Variants in AKAP13 observed in about 807,000 individuals in gnomAD.
AKAP13 encodes A-kinase anchoring protein 13.
AKAP13 carries 80 observed loss-of-function variants against 264.5 expected under a neutral mutation model. The ratio of observed to expected loss-of-function variants is 0.30; its 90% CI spans 0.25 to 0.36. The LOEUF (loss-of-function observed/expected upper bound fraction) is 0.36. Among genes scored for constraint, AKAP13 ranks in the 10% least tolerant of loss-of-function variants. The probability of loss-of-function intolerance (pLI) is 1.00; values close to 1 mark genes in which losing one functional copy is unlikely to be tolerated. For missense variants in AKAP13, 3,712 were observed against 3,435.2 expected, an observed-to-expected ratio of 1.08 and a Z score of -2.01; for synonymous variants, 1,380 against 1,250.2, an observed-to-expected ratio of 1.10 and a Z score of -2.19.
chr15:85,608,583 G>A (rs1030925251), intron 8 of AKAP13, among the ~76,000 whole-genome samples: 1 of 152,202 alleles, frequency 6.6e-6, no homozygotes, highest in Non-Finnish European at 1.5e-5. Flanking sequence ...AAAGGAGAGC[G>A]TTTTAAGGAG....
intron 1 of AKAP13, among the ~76,000 whole-genome samples, chr15:85,467,100 A>G (rs1253476607): frequency 6.8e-6 from 1 of 147,914 alleles, no homozygotes; most frequent in Non-Finnish European, 1.5e-5. Flanking sequence ...ACACACACAC[A>G]CGTATGTAAC....
At chr15:85,526,775 A>G (rs895839980) in intron 3 of AKAP13, among the ~76,000 whole-genome samples, 1 of 152,080 alleles carries the variant, frequency 6.6e-6, no homozygotes, top group South Asian at 2.1e-4. Context: ...GACTTTTTCT[A>G]ACAGTCTCCC....
chr15:85,736,912 C>CTTTTTTT (rs11407996), intron 33 of AKAP13, among the ~76,000 whole-genome samples: 10 of 98,044 alleles, frequency 1.0e-4, no homozygotes, highest in East Asian at 6.6e-4. Flanking sequence ...ATATCATCAT[C>CTTTTTTT]TTTTTTTTTT....
chr15:85,589,057 T>A (rs774651944), intron 8 of AKAP13, among the ~76,000 whole-genome samples: 4 of 152,236 alleles, frequency 2.6e-5, no homozygotes, highest in African/African-American at 9.6e-5. Flanking sequence ...AGCATTCTTA[T>A]AATGATGTGA....
At chr15:85,603,668 G>T (rs571760099) in intron 8 of AKAP13, among the ~76,000 whole-genome samples, 1 of 152,112 alleles carries the variant, frequency 6.6e-6, no homozygotes, top group Non-Finnish European at 1.5e-5. Flanking sequence ...TGCCAGCCTC[G>T]CCAGAATCCC....
intron 1 of AKAP13, among the ~76,000 whole-genome samples, chr15:85,431,054 ATAGT>A (rs1490850471): frequency 1.1e-4 from 16 of 152,234 alleles, no homozygotes; most frequent in African/African-American, 3.6e-4. Flanking sequence ...GATAAAGGTC[ATAGT>A]TAGTGCATAA....
chr15:85,520,717 A>T (rs750002276), intron 2 of AKAP13: 5 of 518,918 alleles, frequency 9.6e-6, no homozygotes, highest in African/African-American at 9.6e-5. Flanking sequence ...AATATTATAG[A>T]CCGAGAGTTG....
chr15:85,562,132 T>A (rs1296709336), intron 5 of AKAP13, among the ~76,000 whole-genome samples: 2 of 152,178 alleles, frequency 1.3e-5, no homozygotes, highest in Non-Finnish European at 2.9e-5. Context: ...GTAAATGAGA[T>A]GATGTGTACC....
chr15:85,710,483 TG>T, intron 18 of AKAP13, 95 bp from the exon 19 acceptor site: 1 of 1,214,714 alleles, frequency 8.2e-7, no homozygotes, highest in South Asian at 1.5e-5. Context: ...AAAAGCAGAG[TG>T]GGAAAGGAAG....
chr15:85,447,096 A>C (rs895240310), intron 1 of AKAP13, among the ~76,000 whole-genome samples: 2 of 152,038 alleles, frequency 1.3e-5, no homozygotes, highest in Non-Finnish European at 2.9e-5. Context: ...ATGAAACTCC[A>C]TCTCTACCAA....
intron 4 of AKAP13, among the ~76,000 whole-genome samples, chr15:85,538,470 G>C (rs1261293274): frequency 6.6e-6 from 1 of 151,500 alleles, no homozygotes; most frequent in African/African-American, 2.4e-5. Flanking sequence ...TCCTTTCAGA[G>C]TGTTTGATAG....
At position 85,467,827 on chromosome 15, in the gene AKAP13, T is replaced by C. The variant is rs75846052; in HGVS notation, c.-11-17883T>C. Among the ~76,000 whole-genome samples the C allele has an allele frequency of 6.6e-3, 1,001 of 152,340 alleles. 11 individuals carry two copies. The highest frequency in any genetic ancestry group is 0.023 in the African/African-American group (950 of 41,562). On this transcript the variant is annotated intron_variant, in intron 1 of 36. Transcript: ENST00000394518. ...TTTCGGCCTGCAATCTTTTCGGCTC[T>C]GTTATCCAACCTGTTGCCCATTAGA...
intron 1 of AKAP13, among the ~76,000 whole-genome samples, chr15:85,466,556 T>A (rs1244847551): frequency 6.6e-6 from 1 of 152,240 alleles, no homozygotes; most frequent in African/African-American, 2.4e-5. Flanking sequence ...GGATCCAGTT[T>A]CAGCTTTCTA....
rs752258098 is a variant in AKAP13 at position 85,579,492 on chromosome 15, C to G, written c.1424C>G (p.Thr475Ser). 18 of 1,614,142 alleles carry G rather than the reference C, an allele frequency of 1.1e-5. No individual in the cohort carries two copies. Among genetic ancestry groups the G allele is most frequent in the Non-Finnish European group, 1.4e-5 (16 of 1,180,016 alleles). ...LGGISTTNVS[T>S]PDTAGEMEHG... The stretch of plus-strand genomic sequence containing the variant: ...GGCATTTCAACAACAAATGTCAGTA[C>G]CCCAGACACTGCAGGGGAAATGGAA... The change falls in exon 7 of 37, where the codon ACC becomes AGC. Residue 475 changes from threonine (T) to serine (S), a missense_variant. This residue lies in a region of AKAP13 where 2,759 missense variants were observed against 2,411.7 expected (regional missense o/e 1.14). Coordinates refer to ENST00000394518, the MANE Select transcript of AKAP13 (RefSeq NM_007200.5).
At chr15:85,439,425 A>G (rs2073509833) in intron 1 of AKAP13, among the ~76,000 whole-genome samples, 1 of 152,052 alleles carries the variant, frequency 6.6e-6, no homozygotes, top group East Asian at 1.9e-4. Flanking sequence ...TTCCTCAAGG[A>G]TCTAGAACTA....
At chr15:85,583,220 T>C in intron 7 of AKAP13, 1 of 968,834 alleles carries the variant, frequency 1.0e-6, no homozygotes, top group Non-Finnish European at 1.2e-6. Context: ...TTTTCAATTT[T>C]TGAAAATCCC....
At position 85,579,295 on chromosome 15, in the gene AKAP13, A is replaced by G; in HGVS notation, c.1227A>G (p.Val409=). Residue 409 remains valine, a synonymous_variant, in exon 7 of 37, where the codon GTA becomes GTG. Coordinates refer to ENST00000394518, the MANE Select transcript of AKAP13 (RefSeq NM_007200.5). ...TTCAGAGCTTGCCTGATTGTGGAGT[A>G]AAGGGCACGGAAGGCCTTTCGTCCT... ...SCLQSLPDCG[V]KGTEGLSSCG... 6.2e-7 allele frequency: 1 copy of G among 1,614,220 alleles called. No homozygotes were observed. The highest frequency in any genetic ancestry group is 8.5e-7 in the Non-Finnish European group (1 of 1,180,030).
chr15:85,473,336 A>G (rs1055950504), intron 1 of AKAP13, among the ~76,000 whole-genome samples: 3 of 152,206 alleles, frequency 2.0e-5, no homozygotes, highest in East Asian at 1.9e-4. Flanking sequence ...CACAAGTAAG[A>G]GAAGATGTAA....
At chr15:85,390,444 G>T (rs1430341565) in intron 1 of AKAP13, among the ~76,000 whole-genome samples, 2 of 152,316 alleles carry the variant, frequency 1.3e-5, no homozygotes, top group African/African-American at 2.4e-5. Flanking sequence ...AATGAACAGG[G>T]AGCCTGGTGT....
Sources: allele counts gnomAD v4.1 joint callset (sites outside exome capture counted in the v4.1 genomes callset), GRCh38; gene constraint gnomAD v4.1.1; regional missense constraint gnomAD v4.1.1; transcripts MANE v1.5; gene names NCBI Gene and HGNC (gene_info 2026-07-23, HGNC 2026-07-21).